KDM4C: variants seen among roughly 807,000 people sequenced by gnomAD.
KDM4C encodes lysine demethylase 4C.
In KDM4C, 81 loss-of-function variants were observed where a neutral mutation model predicts 129.3. That is an observed-to-expected ratio of 0.63 (90% CI 0.52 to 0.75). The LOEUF is 0.75. Among genes scored for constraint, KDM4C ranks in the 30% least tolerant of loss-of-function variants. The probability of loss-of-function intolerance (pLI) is 0.00; values close to 1 mark genes in which losing one functional copy is unlikely to be tolerated. For missense variants in KDM4C, 1,457 were observed against 1,304.0 expected (o/e 1.12, Z -1.81); for synonymous variants, 573 against 456.1 (o/e 1.26, Z -3.26).
chr9:6,878,502 A>G (rs535307834), intron 5 of KDM4C, among the ~76,000 whole-genome samples: 6 of 152,316 alleles, frequency 3.9e-5, no homozygotes, highest in African/African-American at 7.2e-5. Context: ...TTGAATTGGT[A>G]TGATTCAGAT....
intron 1 of KDM4C, among the ~76,000 whole-genome samples, chr9:6,738,084 G>T (rs1000255725): frequency 1.3e-5 from 2 of 151,582 alleles, no homozygotes; most frequent in African/African-American, 4.9e-5. Context: ...CAGTGAGGGA[G>T]ATCACACCAT....
At chr9:7,160,197 T>G (rs1314067715) in intron 19 of KDM4C, among the ~76,000 whole-genome samples, 3 of 152,228 alleles carry the variant, frequency 2.0e-5, no homozygotes, top group African/African-American at 7.2e-5. Flanking sequence ...ATTTAAGGTC[T>G]TCTCCACACT....
At chr9:7,103,629 G>A (rs1278859881) in intron 17 of KDM4C, 56 bp from the exon 18 acceptor site, 2 of 1,375,024 alleles carry the variant, frequency 1.5e-6, no homozygotes, top group Non-Finnish European at 2.1e-6. Flanking sequence ...TAAATTGTGG[G>A]AACTGACTGG....
Position 6,720,958 on chromosome 9 carries a change from T to C in KDM4C, c.10T>C (p.Tyr4His), listed in dbSNP as rs542056733. ...GGCTAAAGGATGTTTGATGAAGCACTATGGGCTGCCCTGGAAGAGGACTGA... is the reference window on the plus strand; with the variant it reads ...GGCTAAAGGATGTTTGATGAAGCACCATGGGCTGCCCTGGAAGAGGACTGA... Residue 4 changes from tyrosine (Y) to histidine (H), a missense_variant, in exon 1 of 18, where the codon TAT becomes CAT. Transcript: ENST00000536108. 6 of 1,551,648 alleles carry C rather than the reference T, an allele frequency of 3.9e-6. No individual in the cohort carries two copies. In the East Asian group the frequency reaches 1.2e-4, roughly 32 times the overall value.
chr9:7,001,875 A>G (rs1463879564), intron 12 of KDM4C, among the ~76,000 whole-genome samples: 1 of 151,820 alleles, frequency 6.6e-6, no homozygotes, highest in Non-Finnish European at 1.5e-5. Flanking sequence ...ATGAATCTGG[A>G]GGTTTTTCCC....
chr9:6,805,706 C>G lies in KDM4C; in HGVS notation c.252C>G (p.Phe84Leu). 1 of 1,614,096 alleles carries G rather than the reference C, an allele frequency of 6.2e-7. No homozygotes were observed. The highest frequency in any genetic ancestry group is 8.5e-7 in the Non-Finnish European group (1 of 1,180,002). ...QQMVTGQSGL[F>L]TQYNIQKKAM... ...TGGTCACAGGGCAGTCAGGACTGTT[C>G]ACTCAGTACAACATCCAGAAAAAAG... The change falls in exon 3 of 22, where the codon TTC (phenylalanine) becomes TTG (leucine). Residue 84 changes from phenylalanine to leucine, a missense_variant. Transcript: ENST00000381309.
chr9:7,138,971 G>A (rs1444956733), intron 19 of KDM4C, among the ~76,000 whole-genome samples: 1 of 152,064 alleles, frequency 6.6e-6, no homozygotes, highest in East Asian at 1.9e-4. Context: ...ACTCTTTCTA[G>A]CCTTTAATTA....
intron 4 of KDM4C, among the ~76,000 whole-genome samples, chr9:6,831,251 C>G (rs1214664909): frequency 2.6e-5 from 4 of 152,136 alleles, no homozygotes; most frequent in Non-Finnish European, 5.9e-5. Flanking sequence ...ATTTAGTTTT[C>G]TTTCATGTAA....
At chr9:7,118,823 A>T (rs184222403) in intron 18 of KDM4C, among the ~76,000 whole-genome samples, 25 of 152,292 alleles carry the variant, frequency 1.6e-4, no homozygotes, top group African/African-American at 4.3e-4. Flanking sequence ...GGATTTTCCC[A>T]AGGTGACATC....
At chr9:6,792,223 A>G (rs1826793862) in intron 1 of KDM4C, among the ~76,000 whole-genome samples, 1 of 151,734 alleles carries the variant, frequency 6.6e-6, no homozygotes, top group Non-Finnish European at 1.5e-5. Context: ...GGTGCCTGTA[A>G]TCCCAGCTAC....
chr9:6,753,300 C>G (rs1468675411), upstream of KDM4C, among the ~76,000 whole-genome samples: 1 of 152,198 alleles, frequency 6.6e-6, no homozygotes, highest in African/African-American at 2.4e-5. Context: ...TAAGAGTAAG[C>G]ACACCAGGCA....
chr9:6,803,014 A>T (rs532875309), intron 2 of KDM4C, among the ~76,000 whole-genome samples: 1 of 152,372 alleles, frequency 6.6e-6, no homozygotes, highest in South Asian at 2.1e-4. Flanking sequence ...AAACTGGTGT[A>T]TAGGTATGCA....
At chr9:6,947,411 C>G (rs1195238375) in intron 8 of KDM4C, among the ~76,000 whole-genome samples, 2 of 151,912 alleles carry the variant, frequency 1.3e-5, no homozygotes, top group Non-Finnish European at 2.9e-5. Context: ...TTAATGCTTT[C>G]TTAATGCCTA....
intron 15 of KDM4C, among the ~76,000 whole-genome samples, chr9:7,041,209 A>G (rs1396418294): frequency 1.3e-5 from 2 of 151,840 alleles, no homozygotes; most frequent in Non-Finnish European, 2.9e-5. Flanking sequence ...TTTCCTTGTC[A>G]TTATTCCCTA....
intron 17 of KDM4C, among the ~76,000 whole-genome samples, chr9:7,081,988 A>C (rs562929802): frequency 6.6e-6 from 1 of 152,188 alleles, no homozygotes; most frequent in African/African-American, 2.4e-5. Context: ...GGTGGTCGAT[A>C]TCTAGATATC....
chr9:6,862,012 T>C (rs1588769306), intron 5 of KDM4C, among the ~76,000 whole-genome samples: 2 of 152,262 alleles, frequency 1.3e-5, no homozygotes, highest in East Asian at 3.9e-4. Flanking sequence ...CCTCAGGTGA[T>C]TCACCTGCTT....
Position 6,990,420 on chromosome 9 carries a change from C to A in KDM4C, c.1682C>A (p.Ala561Glu). ...CCATTTTTGTTCTATAACTAGATAG[C>A]AGAGGGAGAGAACAAAACCTCTAAG... ...ERNSFKVPSIAEGENKTSKSW... is the reference protein window; with the variant it reads ...ERNSFKVPSIEEGENKTSKSW... Residue 561 changes from alanine to glutamate, a missense_variant, in exon 12 of 22, where the codon GCA becomes GAA. By Grantham distance (107) the Ala-to-Glu change is moderately radical. Coordinates refer to ENST00000381309, the MANE Select transcript of KDM4C (RefSeq NM_015061.6). 3 of 1,605,024 alleles carry A rather than the reference C, an allele frequency of 1.9e-6. No individual in the cohort carries two copies. Among genetic ancestry groups the A allele is most frequent in the Non-Finnish European group, 2.6e-6 (3 of 1,173,164 alleles).
chr9:7,118,146 G>A (rs1025898371), intron 18 of KDM4C, among the ~76,000 whole-genome samples: 2 of 152,200 alleles, frequency 1.3e-5, no homozygotes, highest in Non-Finnish European at 2.9e-5. Flanking sequence ...AGCATCTAAT[G>A]CAGCCTGTTG....
intron 1 of KDM4C, among the ~76,000 whole-genome samples, chr9:6,739,823 T>G (rs1222581103): frequency 2.6e-5 from 4 of 152,040 alleles, no homozygotes; most frequent in Non-Finnish European, 5.9e-5. Flanking sequence ...GACCCCCATC[T>G]CTAAAATAAA....
Sources: gnomAD v4.1 joint callset for allele counts (sites outside exome capture counted in the v4.1 genomes callset) on GRCh38, gnomAD v4.1.1 for gene constraint, MANE v1.5 for transcripts, NCBI Gene and HGNC (gene_info 2026-07-23, HGNC 2026-07-21) for gene names.